AASDH: variants seen among roughly 807,000 people sequenced by gnomAD.
AASDH encodes the protein aminoadipate-semialdehyde dehydrogenase.
A neutral mutation model predicts 102.3 loss-of-function variants in AASDH; 81 were observed. That is an observed-to-expected ratio of 0.79 (90% CI 0.66 to 0.95). The LOEUF (loss-of-function observed/expected upper bound fraction) is 0.95, where lower values mean the gene tolerates loss of function less well. Among genes scored for constraint, AASDH ranks in the 40% least tolerant of loss-of-function variants. The probability of loss-of-function intolerance (pLI) is 0.00; values close to 1 mark genes in which losing one functional copy is unlikely to be tolerated. For synonymous variants in AASDH, 398 were observed against 454.0 expected (o/e 0.88, Z 1.57); for missense variants, 1,203 against 1,266.2 (o/e 0.95, Z 0.76).
intron 14 of AASDH, among the ~76,000 whole-genome samples, chr4:56,342,110 C>CAAAAA (rs113304959): frequency 1.9e-4 from 19 of 97,460 alleles, no homozygotes; most frequent in East Asian, 6.2e-4. Flanking sequence ...GATTCTGTCT[C>CAAAAA]AAAAAAAAAA....
At chr4:56,358,371 G>A (rs989513979) in intron 5 of AASDH, among the ~76,000 whole-genome samples, 1 of 150,456 alleles carries the variant, frequency 6.6e-6, no homozygotes, top group Non-Finnish European at 1.5e-5. Flanking sequence ...GTACTGGCAA[G>A]AACCACCAGA....
Position 56,345,309 on chromosome 4 carries a change from CA to C in AASDH, c.2489-20del, listed in dbSNP as rs1748202486. ...TAACAGCCTACCAAGAAACAAAGCA[CA>C]AAAGATTTGATATAGATATATTACT... is the stretch of plus-strand genomic sequence containing the variant. On this transcript the variant is annotated intron_variant, in intron 11 of 14. Transcript: ENST00000205214. The C allele has an allele frequency of 6.2e-7, 1 of 1,603,368 alleles. No individual in the cohort carries two copies. Among genetic ancestry groups the C allele is most frequent in the Non-Finnish European group, 8.5e-7 (1 of 1,170,940 alleles).
chr4:56,338,882 A>C, intron 14 of AASDH, 91 bp from the exon 15 acceptor site: 2 of 1,275,850 alleles, frequency 1.6e-6, no homozygotes, highest in Admixed American at 4.7e-5. Context: ...TGCAAATCTA[A>C]GAGATATAGG....
chr4:56,365,844 G>T (rs1750928026), intron 5 of AASDH, among the ~76,000 whole-genome samples: 1 of 152,130 alleles, frequency 6.6e-6, no homozygotes. Flanking sequence ...TCAAAAGCTA[G>T]CAGAAGGCAA....
In AASDH at chr4:56,354,797, A is replaced by G; in HGVS notation, c.1118T>C (p.Val373Ala). Residue 373 changes from valine to alanine, a missense_variant, in exon 7 of 15, where the codon GTA becomes GCA. Transcript: ENST00000205214. ...LNSTLKCELP[V>A]QLGFPLLGTV... ...TCCAAGAAGTGGAAATCCCAGTTGT[A>G]CAGGCAATTCACATCTATGAAAATA... is the stretch of plus-strand genomic sequence containing the variant. 6.2e-7 allele frequency: 1 copy of G among 1,606,876 alleles called. No homozygotes were observed. The highest frequency in any genetic ancestry group is 2.2e-5 in the East Asian group (1 of 44,670).
At chr4:56,339,290 C>T (rs1385763792) in intron 14 of AASDH, among the ~76,000 whole-genome samples, 6 of 151,614 alleles carry the variant, frequency 4.0e-5, no homozygotes, top group South Asian at 2.1e-4. Flanking sequence ...AGTAGCTAGG[C>T]GCGTGCCACC....
chr4:56,381,866 C>A (rs1040470507), intron 3 of AASDH: 1 of 151,940 alleles, frequency 6.6e-6, no homozygotes, highest in Non-Finnish European at 1.5e-5. Flanking sequence ...GATATAACAC[C>A]AATTCTTGCC....
chr4:56,370,180 T>C (rs113248347), intron 5 of AASDH, among the ~76,000 whole-genome samples: 56 of 151,858 alleles, frequency 3.7e-4, no homozygotes, highest in African/African-American at 1.3e-3. Flanking sequence ...CTAGCCAACA[T>C]GGTGAAACCC....
chr4:56,345,114 G>C lies in AASDH; in HGVS notation c.2652+13C>G, dbSNP rs966115839. ...GCGCCACCATGCCCAGCTAATTTGAGGTCAATCCTTACATAAATATCTAAA... is the reference window on the plus strand; with the variant it reads ...GCGCCACCATGCCCAGCTAATTTGACGTCAATCCTTACATAAATATCTAAA... On this transcript the variant is annotated intron_variant, in intron 12 of 14. Transcript: ENST00000205214. 3.1e-6 allele frequency: 5 copies of C among 1,612,876 alleles called. No homozygotes were observed. Among genetic ancestry groups the C allele is most frequent in the Non-Finnish European group, 4.2e-6 (5 of 1,179,366 alleles).
chr4:56,344,529 TTATAAA>T (rs1393498709), intron 12 of AASDH, among the ~76,000 whole-genome samples: 2 of 152,164 alleles, frequency 1.3e-5, no homozygotes, highest in African/African-American at 2.4e-5. Flanking sequence ...TCATTAATAC[TTATAAA>T]TATAAATGAA....
chr4:56,356,415 C>G (rs1178730614), intron 5 of AASDH: 2 of 1,589,210 alleles, frequency 1.3e-6, no homozygotes, highest in African/African-American at 2.7e-5. Context: ...AGCTACTCAG[C>G]TGCTTAAGCT....
At chr4:56,367,763 C>A (rs1188822355) in intron 5 of AASDH, among the ~76,000 whole-genome samples, 1 of 151,028 alleles carries the variant, frequency 6.6e-6, no homozygotes, top group Non-Finnish European at 1.5e-5. Flanking sequence ...ACCATAAAAA[C>A]CCTAGAAGAA....
At chr4:56,375,427 T>G (rs1560610547) in intron 4 of AASDH, among the ~76,000 whole-genome samples, 1 of 152,188 alleles carries the variant, frequency 6.6e-6, no homozygotes, top group Non-Finnish European at 1.5e-5. Context: ...TAACATTTCA[T>G]CTCTTTAGAA....
intron 4 of AASDH, 84 bp from the exon 5 acceptor site, chr4:56,371,727 TGATC>T (rs1362026695): frequency 5.5e-6 from 7 of 1,264,574 alleles, no homozygotes; most frequent in Non-Finnish European, 7.4e-6. Flanking sequence ...GTGTTTATGA[TGATC>T]AAGTTTCTGA....
At chr4:56,359,909 G>A (rs1479495621) in intron 5 of AASDH, among the ~76,000 whole-genome samples, 1 of 152,124 alleles carries the variant, frequency 6.6e-6, no homozygotes, top group Admixed American at 6.5e-5. Flanking sequence ...TGTGTAGAAA[G>A]CAAGTGATCA....
In AASDH at chr4:56,363,125, G is replaced by A. The variant is rs1412614090; in HGVS notation, c.862-7702C>T. ...CTATGCCCACGGAGCCTGGCTCATT[G>A]CTAGCACAGCAGTCTGAGATCAAAC... is the stretch of plus-strand genomic sequence containing the variant. On this transcript the variant is annotated intron_variant, in intron 5 of 14. Transcript: ENST00000205214. Among the ~76,000 whole-genome samples the A allele has an allele frequency of 4.6e-5, 7 of 152,354 alleles. No individual in the cohort carries two copies. The South Asian group carries it at 1.0e-3, about 23-fold the overall frequency.
intron 14 of AASDH, among the ~76,000 whole-genome samples, chr4:56,341,479 AC>A (rs1160458675): frequency 4.8e-5 from 6 of 125,924 alleles, no homozygotes; most frequent in Non-Finnish European, 6.3e-5. Flanking sequence ...TGCAACCTCC[AC>A]CTCCCGGGTT....
At chr4:56,362,013 A>G (rs987501635) in intron 5 of AASDH, among the ~76,000 whole-genome samples, 1 of 152,208 alleles carries the variant, frequency 6.6e-6, no homozygotes, top group African/African-American at 2.4e-5. Flanking sequence ...TAAATAATAT[A>G]ACTTTGTTAC....
intron 1 of AASDH, among the ~76,000 whole-genome samples, chr4:56,386,293 A>AT (rs1753544247): frequency 6.6e-6 from 1 of 152,198 alleles, no homozygotes; most frequent in Non-Finnish European, 1.5e-5. Flanking sequence ...TTCATTTCGC[A>AT]ACATACAGGT....
Sources: gnomAD v4.1 joint callset for allele counts (sites outside exome capture counted in the v4.1 genomes callset) on GRCh38, gnomAD v4.1.1 for gene constraint, MANE v1.5 for transcripts, NCBI Gene and HGNC (gene_info 2026-07-23, HGNC 2026-07-21) for gene names.